Variants in TSHZ1 observed in about 807,000 individuals in gnomAD.
The protein encoded by TSHZ1 is teashirt zinc finger homeobox 1, also known as teashirt homolog 1.
In TSHZ1, 12 loss-of-function variants were observed where a neutral mutation model predicts 67.1. That is an observed-to-expected ratio of 0.18 (90% CI 0.11 to 0.29). The LOEUF (loss-of-function observed/expected upper bound fraction) is 0.29, where lower values mean the gene tolerates loss of function less well. TSHZ1 is among the 10% of genes least tolerant of loss of function. The probability of loss-of-function intolerance (pLI) is 1.00; values close to 1 mark genes in which losing one functional copy is unlikely to be tolerated. For missense variants in TSHZ1, 1,305 were observed against 1,413.9 expected, an observed-to-expected ratio of 0.92 and a Z score of 1.23; for synonymous variants, 632 against 622.4, an observed-to-expected ratio of 1.02 and a Z score of -0.23.
intron 1 of TSHZ1, among the ~76,000 whole-genome samples, chr18:75,271,870 G>A (rs1354678351): frequency 1.3e-5 from 2 of 152,118 alleles, no homozygotes; most frequent in Non-Finnish European, 2.9e-5. Context: ...ATGCTGATGT[G>A]CGAAGTTAAT....
rs1052905519 is a variant in TSHZ1, at chr18:75,211,490, G to A, written c.-387G>A. 6.8e-6 allele frequency: 1 copy of A among 147,644 alleles called. No individual in the cohort carries two copies. The highest frequency in any genetic ancestry group is 1.5e-5 in the Non-Finnish European group (1 of 66,532). The allele number at this position is 147,644 out of a possible 1,614,324, so 9.1% of individuals were successfully genotyped here. A position where few individuals can be genotyped will look rare whatever the true frequency, so the allele number is the denominator to read the frequency against. ...CGCCCGGAGCGGCGCGCCGGGAGGA[G>A]CGCCCGCCCAGCAGCAGCGCGGCGG... On this transcript the variant is annotated 5_prime_UTR_variant, in exon 1 of 2. Coordinates refer to ENST00000580243, the MANE Select transcript of TSHZ1 (RefSeq NM_001308210.2).
intron 1 of TSHZ1, among the ~76,000 whole-genome samples, chr18:75,238,253 G>A (rs758325311): frequency 1.1e-4 from 16 of 152,162 alleles, no homozygotes; most frequent in African/African-American, 2.9e-4. Context: ...GACATGCCAC[G>A]TAGACTAAGA....
At chr18:75,243,434 G>A (rs1465147663) in intron 1 of TSHZ1, among the ~76,000 whole-genome samples, 2 of 152,022 alleles carry the variant, frequency 1.3e-5, no homozygotes, top group African/African-American at 4.8e-5. Flanking sequence ...TAATGAAGTG[G>A]AAAGTGATAG....
intron 1 of TSHZ1, chr18:75,221,126 C>T (rs895200344): frequency 6.6e-6 from 1 of 152,128 alleles, no homozygotes; most frequent in African/African-American, 2.4e-5. Context: ...GGCATTTCTG[C>T]CTCAACTTGC....
chr18:75,282,280 A>G (rs2023696593), intron 1 of TSHZ1, among the ~76,000 whole-genome samples: 2 of 152,198 alleles, frequency 1.3e-5, no homozygotes. Context: ...GGCCATCACC[A>G]TGTGAGATGC....
intron 1 of TSHZ1, among the ~76,000 whole-genome samples, chr18:75,257,038 A>T (rs147998269): frequency 1.1e-3 from 167 of 152,302 alleles, no homozygotes; most frequent in African/African-American, 3.9e-3. Context: ...GGTGATGTGC[A>T]TTTGTTGCTT....
chr18:75,254,455 A>G (rs2023340397), intron 1 of TSHZ1, among the ~76,000 whole-genome samples: 2 of 152,240 alleles, frequency 1.3e-5, no homozygotes, highest in South Asian at 4.1e-4. Flanking sequence ...ACTGAGCATG[A>G]AAAGTCCATG....
At chr18:75,258,102 C>T (rs768430313) in intron 1 of TSHZ1, among the ~76,000 whole-genome samples, 12 of 152,184 alleles carry the variant, frequency 7.9e-5, no homozygotes, top group Non-Finnish European at 1.5e-4. Context: ...GGGAGACTCT[C>T]TCACCTGAGC....
At chr18:75,270,361 G>C (rs182838428) in intron 1 of TSHZ1, among the ~76,000 whole-genome samples, 54 of 152,336 alleles carry the variant, frequency 3.5e-4, no homozygotes, top group Admixed American at 6.5e-4. Context: ...TGGTCCAGAG[G>C]AAGGGTTCAA....
intron 1 of TSHZ1, chr18:75,283,905 G>A (rs2023717844): frequency 1.3e-5 from 2 of 152,228 alleles, no homozygotes; most frequent in African/African-American, 2.4e-5. Flanking sequence ...CCCTGAAAAC[G>A]TCTGTGCTCC....
intron 1 of TSHZ1, among the ~76,000 whole-genome samples, chr18:75,257,004 A>T (rs1465258853): frequency 6.6e-6 from 1 of 152,186 alleles, no homozygotes; most frequent in Non-Finnish European, 1.5e-5. Flanking sequence ...ACTTGATTGT[A>T]TTGCCTGTTT....
intron 1 of TSHZ1, among the ~76,000 whole-genome samples, chr18:75,246,717 A>C (rs2023229589): frequency 6.6e-6 from 1 of 152,082 alleles, no homozygotes; most frequent in Non-Finnish European, 1.5e-5. Context: ...TTTAGGCACA[A>C]AGCTAGTTTA....
chr18:75,282,613 C>A (rs938130194), intron 1 of TSHZ1, among the ~76,000 whole-genome samples: 3 of 152,152 alleles, frequency 2.0e-5, no homozygotes, highest in African/African-American at 4.8e-5. Context: ...CTCTCTCTTT[C>A]CACCTGCTGG....
chr18:75,220,661 C>A (rs1208397649), intron 1 of TSHZ1, among the ~76,000 whole-genome samples: 2 of 152,166 alleles, frequency 1.3e-5, no homozygotes, highest in Non-Finnish European at 2.9e-5. Context: ...CTTTTCACTT[C>A]ATATTTCCTA....
intron 1 of TSHZ1, among the ~76,000 whole-genome samples, chr18:75,265,595 T>C (rs74819423): frequency 0.017 from 2,649 of 152,322 alleles, 86 homozygotes; most frequent in African/African-American, 0.059. Context: ...AACAGGATAT[T>C]GTATTTCTTT....
intron 1 of TSHZ1, among the ~76,000 whole-genome samples, chr18:75,279,219 T>C (rs1244792427): frequency 6.6e-6 from 1 of 152,140 alleles, no homozygotes; most frequent in Non-Finnish European, 1.5e-5. Context: ...CCCAGCTGTC[T>C]TGAAGGTTTA....
At position 75,287,423 on chromosome 18, in the gene TSHZ1, C is replaced by G. The variant is rs1425393213; in HGVS notation, c.2016C>G (p.Pro672=). The G allele has an allele frequency of 6.2e-7, 1 of 1,614,180 alleles. No homozygotes were observed. The highest frequency in any genetic ancestry group is 8.5e-7 in the Non-Finnish European group (1 of 1,180,034). Residue 672 remains proline, a synonymous_variant, in exon 2 of 2, where the codon CCC becomes CCG. Coordinates refer to ENST00000580243, the MANE Select transcript of TSHZ1 (RefSeq NM_001308210.2). This position sits in a 1 kb window ranked among gnomAD's most constrained non-coding sequence, Gnocchi z 5.0. The part of the protein sequence containing the change: ...EKSSLAKAAS[P]IAKENKDFPK... ...GCTCCCTGGCCAAGGCTGCGTCCCC[C>G]ATAGCAAAAGAGAATAAAGATTTCC...
chr18:75,263,161 T>C (rs2023450737), intron 1 of TSHZ1, among the ~76,000 whole-genome samples: 1 of 152,202 alleles, frequency 6.6e-6, no homozygotes, highest in South Asian at 2.1e-4. Flanking sequence ...ATGTTACTTG[T>C]GGTCATATCT....
intron 1 of TSHZ1, among the ~76,000 whole-genome samples, chr18:75,244,841 G>T (rs1358902950): frequency 6.6e-6 from 1 of 152,156 alleles, no homozygotes; most frequent in African/African-American, 2.4e-5. Context: ...TTTAGTGAGA[G>T]CTGGTTCAGG....
Sources: allele counts gnomAD v4.1 joint callset (sites outside exome capture counted in the v4.1 genomes callset), GRCh38; gene constraint gnomAD v4.1.1; non-coding constraint Gnocchi (gnomAD v3.1); transcripts MANE v1.5; gene names NCBI Gene and HGNC (gene_info 2026-07-23, HGNC 2026-07-21).